KIF20B: variants seen among roughly 807,000 people sequenced by gnomAD.
KIF20B encodes the protein kinesin family member 20B.
KIF20B carries 188 observed loss-of-function variants against 232.5 expected under a neutral mutation model. That is an observed-to-expected ratio of 0.81 (90% CI 0.72 to 0.91). KIF20B has a LOEUF of 0.91. KIF20B is among the 40% of genes least tolerant of loss of function. KIF20B has a pLI of 0.00. For synonymous variants in KIF20B, 712 were observed against 683.0 expected (o/e 1.04, Z -0.66); for missense variants, 2,154 against 2,055.9 (o/e 1.05, Z -0.92).
chr10:89,709,341 C>A lies in KIF20B; in HGVS notation c.235-4C>A. On this transcript the variant is annotated splice_polypyrimidine_tract_variant and splice_region_variant and intron_variant, in intron 3 of 32. Transcript: ENST00000371728. ...TTTTTATTTATTGGGGGTATGTTTTCTAGGGCTGTGTGCATATTCTGGATT... is the reference window on the plus strand; with the variant it reads ...TTTTTATTTATTGGGGGTATGTTTTATAGGGCTGTGTGCATATTCTGGATT... The A allele has an allele frequency of 6.2e-7, 1 of 1,609,472 alleles. No homozygotes were observed. Among genetic ancestry groups the A allele is most frequent in the Non-Finnish European group, 8.5e-7 (1 of 1,176,956 alleles).
intron 22 of KIF20B, among the ~76,000 whole-genome samples, chr10:89,744,292 C>T (rs1020824024): frequency 1.3e-5 from 2 of 152,094 alleles, no homozygotes; most frequent in African/African-American, 2.4e-5. Flanking sequence ...GGTATTCTTT[C>T]CCTAAATTTA....
In KIF20B at chr10:89,726,478, A is replaced by G; in HGVS notation, c.2187A>G (p.Gly729=). 1 of 1,605,470 alleles carries G rather than the reference A, an allele frequency of 6.2e-7. No homozygotes were observed. Among genetic ancestry groups the G allele is most frequent in the South Asian group, 1.1e-5 (1 of 89,258 alleles). ...AAGCTGAATTAGCTAAAACCAAAGGAGAATTAATCAAAACCAAAGAAGAGT... is the reference window on the plus strand; with the variant it reads ...AAGCTGAATTAGCTAAAACCAAAGGGGAATTAATCAAAACCAAAGAAGAGT... ...QIKAELAKTK[G]ELIKTKEELK... is the part of the protein sequence containing the mutation. The change falls in exon 16 of 33, where the codon GGA becomes GGG. Residue 729 remains glycine (G), a synonymous_variant. Transcript: ENST00000371728.
Position 89,758,718 on chromosome 10 carries a change from G to A in KIF20B, c.4516G>A (p.Ala1506Thr). The part of the protein sequence containing the change: ...KQQNEMEILT[A>T]QLTEKDSDLQ... Reference sequence around the variant, plus strand: ...ATTTCCTGATTAGGAAATACTGACAGCCCAGCTGACAGAGAAAGATAGTGA... The same window carrying A: ...ATTTCCTGATTAGGAAATACTGACAACCCAGCTGACAGAGAAAGATAGTGA... The change falls in exon 27 of 33, where the codon GCC (alanine) becomes ACC (threonine). Residue 1506 changes from alanine to threonine, a missense_variant. By Grantham distance (58) the Ala-to-Thr change is moderately conservative. Transcript: ENST00000371728. 4.4e-6 allele frequency: 7 copies of A among 1,587,630 alleles called. No individual in the cohort carries two copies. The highest frequency in any genetic ancestry group is 6.0e-6 in the Non-Finnish European group (7 of 1,169,034).
In KIF20B at chr10:89,737,698, A is replaced by G; in HGVS notation, c.2857A>G (p.Lys953Glu). The G allele has an allele frequency of 1.2e-6, 2 of 1,613,284 alleles. No individual in the cohort carries two copies. Among genetic ancestry groups the G allele is most frequent in the Admixed American group, 1.7e-5 (1 of 59,992 alleles). Residue 953 changes from lysine to glutamate, a missense_variant, in exon 20 of 33, where the codon AAA becomes GAA. Coordinates refer to ENST00000371728, the MANE Select transcript of KIF20B (RefSeq NM_001284259.2). ...TGCTGAATTACATGTGCAGAAAAGT[A>G]AAAATCAAGAACAGGAGGAAAAGAT... ...AIAELHVQKS[K>E]NQEQEEKIMK...
Position 89,737,851 on chromosome 10 carries a change from A to G in KIF20B, c.3010A>G (p.Ile1004Val). Residue 1004 changes from isoleucine (I) to valine (V), a missense_variant, in exon 20 of 33, where the codon ATA (isoleucine) becomes GTA (valine). Ile to Val is a conservative substitution (Grantham distance 29, BLOSUM62 3). Coordinates refer to ENST00000371728, the MANE Select transcript of KIF20B (RefSeq NM_001284259.2). ...TGATTCAGTTTCTCAGATTTCAAAC[A>G]TAGATTTGCTCAATCTCAGGGATCT... is the stretch of plus-strand genomic sequence containing the variant. The part of the protein sequence containing the change: ...TLDSVSQISN[I>V]DLLNLRDLSN... The G allele has an allele frequency of 1.2e-6, 2 of 1,613,520 alleles. No individual in the cohort carries two copies. Among genetic ancestry groups the G allele is most frequent in the East Asian group, 4.5e-5 (2 of 44,818 alleles).
chr10:89,712,023 A>G (rs925403499), intron 6 of KIF20B, among the ~76,000 whole-genome samples: 6 of 151,726 alleles, frequency 4.0e-5, no homozygotes, highest in Non-Finnish European at 7.4e-5. Flanking sequence ...CCTACTTTAT[A>G]TTTTTTTAAT....
chr10:89,773,891 A>G, intron 32 of KIF20B, 80 bp from the exon 33 acceptor site: 2 of 745,744 alleles, frequency 2.7e-6, no homozygotes, highest in Non-Finnish European at 4.2e-6. Context: ...GCACATGAAC[A>G]TGTCTTACTC....
intron 8 of KIF20B, among the ~76,000 whole-genome samples, chr10:89,715,744 A>G (rs2133092891): frequency 6.6e-6 from 1 of 152,304 alleles, no homozygotes; most frequent in South Asian, 2.1e-4. Context: ...TAATCCCAGC[A>G]CTTTGGGAGG....
At position 89,768,653 on chromosome 10, in the gene KIF20B, C is replaced by G. The variant is rs946551770; in HGVS notation, c.5092-85C>G. 30 of 1,272,468 alleles carry G rather than the reference C, an allele frequency of 2.4e-5. No individual in the cohort carries two copies. The Admixed American group carries it at 2.8e-4, about 12-fold the overall frequency. 78.8% of individuals were successfully genotyped at this position (1,272,468 alleles called of 1,614,324 possible). ...CTACCTGAGAATTCATAACCTGTCT[C>G]TGGCCTCTTTAATTCAGCTGTGGCC... On this transcript the variant is annotated intron_variant, in intron 30 of 32. Transcript: ENST00000371728.
rs1589316247 is a variant in KIF20B, at chr10:89,772,769, C to T, written c.5323C>T (p.Arg1775Ter). Reference protein sequence around the residue: ...ASKENVSQPKRAKRKLYTSEI... With the variant: ...ASKENVSQPK ...TAAAGAAAATGTGTCTCAACCAAAA[C>T]GAGCCAAACGGAAATTATACACAAG... The change falls in exon 32 of 33, where the codon CGA becomes TGA. Residue 1775 changes from arginine (R) to a stop codon, truncating the protein, a stop_gained. Transcript: ENST00000371728. LOFTEE classifies it high-confidence loss of function. 6 of 1,610,124 alleles carry T rather than the reference C, an allele frequency of 3.7e-6. No individual in the cohort carries two copies. Among genetic ancestry groups the T allele is most frequent in the Non-Finnish European group, 2.5e-6 (3 of 1,177,694 alleles).
chr10:89,773,459 A>G (rs186274955), intron 32 of KIF20B, among the ~76,000 whole-genome samples: 1 of 152,218 alleles, frequency 6.6e-6, no homozygotes, highest in African/African-American at 2.4e-5. Context: ...GCTTTCAGAT[A>G]TGAGATTGAC....
intron 12 of KIF20B, among the ~76,000 whole-genome samples, chr10:89,719,130 A>G (rs768365805): frequency 6.6e-6 from 1 of 152,184 alleles, no homozygotes; most frequent in African/African-American, 2.4e-5. Context: ...CTGCTCTGCC[A>G]TTCATCTTGT....
intron 19 of KIF20B, 99 bp downstream of exon 19, chr10:89,733,155 A>G (rs1385579733): frequency 1.6e-6 from 2 of 1,241,316 alleles, no homozygotes; most frequent in African/African-American, 1.5e-5. Flanking sequence ...TGTCTAAGGA[A>G]AAATCTTGAG....
chr10:89,753,579 C>T (rs149701983), intron 25 of KIF20B, among the ~76,000 whole-genome samples: 3 of 151,128 alleles, frequency 2.0e-5, no homozygotes, highest in African/African-American at 7.3e-5. Flanking sequence ...CTTTGTAATC[C>T]TGGAATGGAC....
At chr10:89,743,006 TATG>T (rs1290871106) in intron 21 of KIF20B, among the ~76,000 whole-genome samples, 1 of 152,186 alleles carries the variant, frequency 6.6e-6, no homozygotes, top group Non-Finnish European at 1.5e-5. Context: ...CGGCCTTCTC[TATG>T]CTTTTTATGG....
chr10:89,729,098 A>T (rs775556567), intron 17 of KIF20B, 30 bp from the exon 18 acceptor site: 39 of 1,334,458 alleles, frequency 2.9e-5, no homozygotes, highest in Non-Finnish European at 3.8e-5. Flanking sequence ...AAGTATATTC[A>T]TGAAACATTG....
At position 89,772,688 on chromosome 10, in the gene KIF20B, G is replaced by T; in HGVS notation, c.5243-1G>T. 1 of 1,545,864 alleles carries T rather than the reference G, an allele frequency of 6.5e-7. No homozygotes were observed. The highest frequency in any genetic ancestry group is 8.8e-7 in the Non-Finnish European group (1 of 1,139,802). The stretch of plus-strand genomic sequence containing the variant: ...AACTAATTAACAATTTTATTTTATA[G>T]CAAAGAAGATAATTGAAACAATGAG... On this transcript the variant is annotated splice_acceptor_variant, in intron 31 of 32. Transcript: ENST00000371728. LOFTEE classifies it high-confidence loss of function.
chr10:89,734,473 A>T (rs1564665585), intron 19 of KIF20B, among the ~76,000 whole-genome samples: 1 of 152,166 alleles, frequency 6.6e-6, no homozygotes, highest in African/African-American at 2.4e-5. Flanking sequence ...AAACAATCAC[A>T]TAAGTTTTTT....
chr10:89,726,208 T>A, intron 15 of KIF20B, 85 bp from the exon 16 acceptor site: 6 of 1,332,178 alleles, frequency 4.5e-6, no homozygotes, highest in Non-Finnish European at 5.8e-6. Context: ...TTTGCTTTTT[T>A]AAAAACTGTC....
Sources: allele counts gnomAD v4.1 joint callset (sites outside exome capture counted in the v4.1 genomes callset), GRCh38; gene constraint gnomAD v4.1.1; transcripts MANE v1.5; gene names NCBI Gene and HGNC (gene_info 2026-07-23, HGNC 2026-07-21).